The following UGGT2 variants were observed in gnomAD, a reference collection of about 807,000 sequenced individuals.
UGGT2 encodes the protein UDP-glucose glycoprotein glucosyltransferase 2, also known as UDP-glucose:glycoprotein glucosyltransferase 2.
UGGT2 carries 180 observed loss-of-function variants against 192.1 expected under a neutral mutation model. The ratio of observed to expected loss-of-function variants is 0.94; its 90% confidence interval spans 0.83 to 1.06. The LOEUF is 1.06. Ranked by LOEUF, UGGT2 falls within the 50% of genes least tolerant of loss-of-function variation. UGGT2 has a pLI of 0.00. For missense variants in UGGT2, 1,849 were observed against 1,795.7 expected (o/e 1.03, Z -0.54); for synonymous variants, 580 against 591.0 (o/e 0.98, Z 0.27).
At chr13:95,830,606 A>G (rs980451938) in intron 38 of UGGT2, among the ~76,000 whole-genome samples, 5 of 152,262 alleles carry the variant, frequency 3.3e-5, no homozygotes, top group Admixed American at 2.0e-4. Context: ...TTAGAATGGC[A>G]ATCATTAAAA....
At chr13:95,964,657 A>G (rs2050509723) in intron 12 of UGGT2, among the ~76,000 whole-genome samples, 1 of 152,166 alleles carries the variant, frequency 6.6e-6, no homozygotes, top group Non-Finnish European at 1.5e-5. Flanking sequence ...AATTTCTCAT[A>G]AGAAACCATT....
intron 17 of UGGT2, among the ~76,000 whole-genome samples, chr13:95,933,214 G>A (rs1032637185): frequency 2.0e-5 from 3 of 152,046 alleles, no homozygotes; most frequent in African/African-American, 4.8e-5. Flanking sequence ...TCTGGTCCAG[G>A]GCTTTTACTG....
At chr13:95,801,956 A>G (rs1167501461) in intron 38 of UGGT2, 144 bp from the exon 39 acceptor site, 8 of 825,014 alleles carry the variant, frequency 9.7e-6, no homozygotes, top group Admixed American at 7.7e-5. Context: ...TCATTACGCA[A>G]CACGAGAATA....
chr13:96,048,927 T>G (rs952103139), intron 1 of UGGT2, among the ~76,000 whole-genome samples: 10 of 152,144 alleles, frequency 6.6e-5, no homozygotes, highest in Admixed American at 6.5e-4. Context: ...GTACCATTCT[T>G]TCTTAAACTA....
At chr13:96,017,770 T>C (rs1328633810) in intron 4 of UGGT2, among the ~76,000 whole-genome samples, 1 of 152,206 alleles carries the variant, frequency 6.6e-6, no homozygotes, top group Non-Finnish European at 1.5e-5. Context: ...CTTTCTACTT[T>C]GCATTTTTCT....
chr13:95,832,808 G>T, intron 38 of UGGT2, 119 bp downstream of exon 38: 3 of 1,445,668 alleles, frequency 2.1e-6, no homozygotes, highest in Non-Finnish European at 2.8e-6. Context: ...TTATGCCACA[G>T]ACTTTCTTAA....
rs1253374206 is a variant in UGGT2 at position 95,914,178 on chromosome 13, A to G, written c.2296-11118T>C. The stretch of plus-strand genomic sequence containing the variant: ...GAGTTGATAGGTACAGCAAACCATC[A>G]TGGCACATATATACCTATGTATCAA... On this transcript the variant is annotated intron_variant, in intron 20 of 38. Transcript: ENST00000376747. Among the ~76,000 whole-genome samples, 3 of 151,974 alleles carry G rather than the reference A, an allele frequency of 2.0e-5. 1 individual carries two copies. Among genetic ancestry groups the G allele is most frequent in the Non-Finnish European group, 4.4e-5 (3 of 68,010 alleles).
At chr13:96,028,872 C>T (rs565693274) in intron 2 of UGGT2, among the ~76,000 whole-genome samples, 11 of 152,026 alleles carry the variant, frequency 7.2e-5, no homozygotes, top group Non-Finnish European at 1.2e-4. Flanking sequence ...AGGCCGGGCA[C>T]GGTGGCTCAC....
intron 6 of UGGT2, among the ~76,000 whole-genome samples, chr13:95,997,536 A>G (rs906743763): frequency 6.6e-6 from 1 of 152,092 alleles, no homozygotes; most frequent in African/African-American, 2.4e-5. Flanking sequence ...CCAGCTACTC[A>G]GGAGGCTGAA....
At chr13:95,818,115 C>T (rs1885096231) in intron 38 of UGGT2, among the ~76,000 whole-genome samples, 1 of 152,114 alleles carries the variant, frequency 6.6e-6, no homozygotes, top group Non-Finnish European at 1.5e-5. Context: ...CAGAACAGCC[C>T]CGGGCAATGC....
chr13:95,987,751 C>T (rs2051333879), intron 8 of UGGT2, among the ~76,000 whole-genome samples: 1 of 152,066 alleles, frequency 6.6e-6, no homozygotes, highest in Non-Finnish European at 1.5e-5. Context: ...CCTATCAACC[C>T]CTTCTTACAT....
intron 20 of UGGT2, among the ~76,000 whole-genome samples, chr13:95,908,805 TC>T (rs1258093479): frequency 3.1e-5 from 4 of 129,900 alleles, no homozygotes; most frequent in Non-Finnish European, 6.5e-5. Flanking sequence ...TTTGTTTTTT[TC>T]TTGTAAATTT....
At chr13:95,858,270 C>G (rs1889814109) in intron 33 of UGGT2, among the ~76,000 whole-genome samples, 1 of 151,926 alleles carries the variant, frequency 6.6e-6, no homozygotes, top group Non-Finnish European at 1.5e-5. Flanking sequence ...ATCCTCTACC[C>G]TTGGAATTTC....
At chr13:95,907,176 T>A (rs2140316543) in intron 20 of UGGT2, among the ~76,000 whole-genome samples, 1 of 152,342 alleles carries the variant, frequency 6.6e-6, no homozygotes, top group African/African-American at 2.4e-5. Flanking sequence ...TGTCTGAGAT[T>A]GAACTGCAAG....
At chr13:96,034,112 C>G (rs1178727631) in intron 1 of UGGT2, among the ~76,000 whole-genome samples, 1 of 152,172 alleles carries the variant, frequency 6.6e-6, no homozygotes, top group African/African-American at 2.4e-5. Flanking sequence ...ACCCCAGACT[C>G]AGCCAAACTC....
At chr13:96,032,961 C>G (rs1446999658) in intron 1 of UGGT2, among the ~76,000 whole-genome samples, 1 of 152,192 alleles carries the variant, frequency 6.6e-6, no homozygotes, top group African/African-American at 2.4e-5. Flanking sequence ...GACCAAACAG[C>G]TACAGACATG....
rs569200647 is a variant in UGGT2, at chr13:95,842,394, T to G, written c.4285-5192A>C. On this transcript the variant is annotated intron_variant, in intron 36 of 38. Transcript: ENST00000376747. ...TATTTTTAGAGTCATCCATGTTGTC[T>G]GTGTATAAATAATTCATTCCTTTTT... is the stretch of plus-strand genomic sequence containing the variant. 6.6e-5 allele frequency among the ~76,000 whole-genome samples: 10 copies of G among 152,360 alleles called. No homozygotes were observed. In the East Asian group the frequency reaches 1.9e-3, roughly 29 times the overall value.
intron 37 of UGGT2, among the ~76,000 whole-genome samples, chr13:95,836,405 T>C (rs1341114853): frequency 2.6e-5 from 4 of 152,182 alleles, no homozygotes; most frequent in Non-Finnish European, 2.9e-5. Flanking sequence ...ACAGAAAGCC[T>C]GAAATTGCTA....
intron 12 of UGGT2, among the ~76,000 whole-genome samples, chr13:95,949,664 C>T (rs2049995243): frequency 1.3e-5 from 2 of 152,134 alleles, no homozygotes; most frequent in South Asian, 4.1e-4. Context: ...ATTAAGCCTT[C>T]TCTCAAAAAC....
Sources: gnomAD v4.1 joint callset for allele counts (sites outside exome capture counted in the v4.1 genomes callset) on GRCh38, gnomAD v4.1.1 for gene constraint, MANE v1.5 for transcripts, NCBI Gene and HGNC (gene_info 2026-07-23, HGNC 2026-07-21) for gene names.